The following MYH6 variants were observed in gnomAD, a reference collection of about 807,000 sequenced individuals.
MYH6 encodes the protein myosin heavy chain 6, also known as myosin-6.
MYH6 carries 126 observed loss-of-function variants against 223.2 expected under a neutral mutation model. The observed-to-expected ratio is 0.56, with a 90% CI of 0.49 to 0.65. The LOEUF is 0.65. Among genes scored for constraint, MYH6 ranks in the 30% least tolerant of loss-of-function variants. The pLI is 0.00. For missense variants in MYH6, 2,040 were observed against 2,536.4 expected, an observed-to-expected ratio of 0.80 and a Z score of 4.20; for synonymous variants, 978 against 1,010.2, an observed-to-expected ratio of 0.97 and a Z score of 0.61.
In MYH6 at chr14:23,407,462, AG is replaced by A; in HGVS notation, c.-14+113del. 9.8e-6 allele frequency: 12 copies of A among 1,228,516 alleles called. No homozygotes were observed. The highest frequency in any genetic ancestry group is 2.9e-4 in the Middle Eastern group (1 of 3,418). The allele number at this position is 1,228,516 out of a possible 1,614,324, so 76.1% of individuals were successfully genotyped here. On this transcript the variant is annotated intron_variant, in intron 2 of 38. Transcript: ENST00000405093. The surrounding 1 kb of genome is among the most constrained non-coding windows in gnomAD (Gnocchi z 5.6). ...GTTTCCCTGGGGTGGCATTGGCTGG[AG>A]TATGCTAAGGGTTGGCGCTGAGTGC...
At chr14:23,395,373 C>T (rs1042941732) in intron 20 of MYH6, among the ~76,000 whole-genome samples, 1 of 152,168 alleles carries the variant, frequency 6.6e-6, no homozygotes, top group Admixed American at 6.5e-5. Flanking sequence ...ATACTATTTA[C>T]CCATTCCCCT....
intron 20 of MYH6, 22 bp from the exon 21 acceptor site, chr14:23,394,345 A>C: frequency 6.2e-7 from 1 of 1,614,052 alleles, no homozygotes; most frequent in Non-Finnish European, 8.5e-7. Flanking sequence ...ACGTGGAGGC[A>C]GGGTGGGGCA....
At chr14:23,396,171 C>G in intron 20 of MYH6, 113 bp downstream of exon 20, 1 of 1,357,626 alleles carries the variant, frequency 7.4e-7, no homozygotes, top group Non-Finnish European at 1.0e-6. Flanking sequence ...GGTAAAGTAA[C>G]TTGCCCAGGC....
At chr14:23,399,221 C>T (rs1891523561) in intron 14 of MYH6, among the ~76,000 whole-genome samples, 184 bp from the exon 15 acceptor site, 1 of 152,214 alleles carries the variant, frequency 6.6e-6, no homozygotes, top group Admixed American at 6.5e-5. Flanking sequence ...AAAGCCCCTT[C>T]CTCCTCCTTT....
chr14:23,389,009 C>A lies in MYH6; in HGVS notation c.4025G>T (p.Cys1342Phe), dbSNP rs1438187176. The change falls in exon 29 of 39, where the codon TGC (cysteine) becomes TTC (phenylalanine). Residue 1342 changes from cysteine (C) to phenylalanine (F), a missense_variant. Around this residue, in one of 4 missense-constraint regions of MYH6, gnomAD observed 1,203 missense variants for 1,400.2 expected, o/e 0.86. Transcript: ENST00000405093. The stretch of plus-strand genomic sequence containing the variant: ...CTCGTACTGCTCCCGCAGCAGGTCG[C>A]AGTCATGCCGGGCCGACTGCAGTGC... Reference protein sequence around the residue: ...AHALQSARHDCDLLREQYEEE... With the variant: ...AHALQSARHDFDLLREQYEEE... The A allele has an allele frequency of 1.2e-6, 2 of 1,612,784 alleles. No homozygotes were observed. The highest frequency in any genetic ancestry group is 2.7e-5 in the African/African-American group (2 of 74,892).
At chr14:23,392,086 C>G (rs1208236505) in intron 25 of MYH6, among the ~76,000 whole-genome samples, 1 of 152,084 alleles carries the variant, frequency 6.6e-6, no homozygotes, top group Non-Finnish European at 1.5e-5. Context: ...GACTTGCTCA[C>G]AGTTGTTGGA....
At chr14:23,400,571 G>A (rs1257738156) in intron 13 of MYH6, 138 bp downstream of exon 13, 3 of 1,581,802 alleles carry the variant, frequency 1.9e-6, no homozygotes, top group East Asian at 2.3e-5. Context: ...CCTGAAGACA[G>A]GGACAATGAC....
rs2138615175 is a variant in MYH6 at position 23,402,540 on chromosome 14, T to G, written c.1065A>C (p.Gly355=). 7 of 1,613,702 alleles carry G rather than the reference T, an allele frequency of 4.3e-6. No homozygotes were observed. Among genetic ancestry groups the G allele is most frequent in the Non-Finnish European group, 5.9e-6 (7 of 1,179,936 alleles). The change falls in exon 12 of 39, where the codon GGA becomes GGC. Residue 355 remains glycine, a synonymous_variant. Transcript: ENST00000405093. ...TCATGTTCCCGTAGTGCATGATGGC[T>G]CCCGTCAGCTTGTAGACGCCAGCTT... The part of the protein sequence containing the change: ...EEKAGVYKLT[G]AIMHYGNMKF...
rs2138592894 is a variant in MYH6 at position 23,390,243 on chromosome 14, C to T, written c.3546G>A (p.Glu1182=). 1 of 1,584,020 alleles carries T rather than the reference C, an allele frequency of 6.3e-7. No individual in the cohort carries two copies. Among genetic ancestry groups the T allele is most frequent in the African/African-American group, 1.3e-5 (1 of 74,102 alleles). ...EFQKMRRDLE[E]ATLQHEATAA... ...CAGTGGCCTCGTGCTGCAGCGTGGC[C>T]TCCTCCAGGTCCCGCCGCATCTTCT... Residue 1182 remains glutamate, a synonymous_variant, in exon 26 of 39, where the codon GAG becomes GAA. Transcript: ENST00000405093.
intron 28 of MYH6, 73 bp from the exon 29 acceptor site, chr14:23,389,128 TAGTAC>T: frequency 6.7e-7 from 1 of 1,490,564 alleles, no homozygotes; most frequent in African/African-American, 1.4e-5. Context: ...TCTTCTTATG[TAGTAC>T]TTCAACCAAG....
chr14:23,386,193 C>T (rs1467243224), intron 33 of MYH6, 62 bp from the exon 34 acceptor site: 1 of 1,612,738 alleles, frequency 6.2e-7, no homozygotes, highest in African/African-American at 1.3e-5. Flanking sequence ...CTGAGGGCAC[C>T]TGTCAGAGGT....
intron 36 of MYH6, 21 bp from the exon 37 acceptor site, chr14:23,383,341 G>GGGGGGGGGCCCCCCCCCCCCCCC: frequency 1.8e-6 from 1 of 556,572 alleles, no homozygotes; most frequent in East Asian, 4.9e-5. Context: ...GAGGGTGGGA[G>GGGGGGGGGCCCCCCCCCCCCCCC]AAGCTGGTTT....
intron 14 of MYH6, among the ~76,000 whole-genome samples, chr14:23,399,390 T>G (rs1891528084): frequency 6.6e-6 from 1 of 152,212 alleles, no homozygotes; most frequent in Non-Finnish European, 1.5e-5. Flanking sequence ...AGGCTCTGTC[T>G]GTATGACACC....
In MYH6 at chr14:23,382,436, C is replaced by A; in HGVS notation, c.5788G>T (p.Gly1930Cys). 1 of 1,614,114 alleles carries A rather than the reference C, an allele frequency of 6.2e-7. No homozygotes were observed. Among genetic ancestry groups the A allele is most frequent in the Non-Finnish European group, 8.5e-7 (1 of 1,180,036 alleles). The stretch of plus-strand genomic sequence containing the variant: ...CCAGGGGAGGGACCCACCTTGGCAC[C>A]AATGTCACGGCTCTTGGCTCGAAGC... ...NKLRAKSRDI[G>C]AKQKMHDEE Residue 1930 changes from glycine (G) to cysteine (C), a missense_variant, in exon 38 of 39, where the codon GGT (glycine) becomes TGT (cysteine). Gly to Cys is a radical substitution (Grantham distance 159). This residue lies in a region of MYH6 where 1,203 missense variants were observed against 1,400.2 expected (regional missense o/e 0.86). Coordinates refer to ENST00000405093, the MANE Select transcript of MYH6 (RefSeq NM_002471.4).
At chr14:23,397,937 CTTCTTCTTCTTCTTCTTCT>C (rs1891456718) in intron 15 of MYH6, among the ~76,000 whole-genome samples, 183 of 60,376 alleles carry the variant, frequency 3.0e-3, no homozygotes, top group African/African-American at 8.7e-3. Context: ...TCCTCCTCTT[CTTCTTCTTCTTCTTCTTCT>C]TCTTCTTCTT....
rs367834703 is a variant in MYH6, at chr14:23,384,516, C to G, written c.5491G>C (p.Glu1831Gln). Residue 1831 changes from glutamate to glutamine, a missense_variant, in exon 36 of 39, where the codon GAG (glutamate) becomes CAG (glutamine). By Grantham distance (29) the Glu-to-Gln change is conservative. Transcript: ENST00000405093. Reference protein sequence around the residue: ...VRELEGELEAEQKRNAESVKG... With the variant: ...VRELEGELEAQQKRNAESVKG... ...ACCGACTCTGCGTTGCGCTTCTGCT[C>G]GGCCTCCAGCTCACCCTCCAGCTCC... 1 of 1,613,154 alleles carries G rather than the reference C, an allele frequency of 6.2e-7. No individual in the cohort carries two copies. The highest frequency in any genetic ancestry group is 8.5e-7 in the Non-Finnish European group (1 of 1,180,036).
Position 23,383,339 on chromosome 14 carries a change from G to T in MYH6, c.5566-19C>A. 9 of 108,178 alleles carry T rather than the reference G, an allele frequency of 8.3e-5. No individual in the cohort carries two copies. The highest frequency in any genetic ancestry group is 2.3e-4 in the East Asian group (1 of 4,404). 6.7% of individuals were successfully genotyped at this position (108,178 alleles called of 1,614,324 possible). On this transcript the variant is annotated intron_variant, in intron 36 of 38. Coordinates refer to ENST00000405093, the MANE Select transcript of MYH6 (RefSeq NM_002471.4). ...CCTCTGTCTGGGGGTGGGAGGGTGG[G>T]AGAAGCTGGTTTGGAGGGGGAGCAA...
intron 7 of MYH6, 95 bp from the exon 8 acceptor site, chr14:23,404,483 G>A: frequency 3.4e-6 from 5 of 1,462,474 alleles, no homozygotes; most frequent in South Asian, 1.1e-5. Flanking sequence ...GAGGAATGGG[G>A]GTGCGGGGCT....
intron 12 of MYH6, among the ~76,000 whole-genome samples, chr14:23,401,609 C>T (rs1185594347): frequency 2.0e-5 from 3 of 152,242 alleles, no homozygotes; most frequent in South Asian, 2.1e-4. Flanking sequence ...CCATATCCCT[C>T]GCCTCTCCAG....
Sources: allele counts gnomAD v4.1 joint callset (sites outside exome capture counted in the v4.1 genomes callset), GRCh38; gene constraint gnomAD v4.1.1; regional missense constraint gnomAD v4.1.1; non-coding constraint Gnocchi (gnomAD v3.1); transcripts MANE v1.5; gene names NCBI Gene and HGNC (gene_info 2026-07-23, HGNC 2026-07-21).